UBQLN1: variants seen among roughly 807,000 people sequenced by gnomAD.
UBQLN1 encodes ubiquilin-1.
Under a neutral mutation model 65.4 loss-of-function variants are expected in UBQLN1, and 13 were observed. That is an observed-to-expected ratio of 0.20 (90% CI 0.13 to 0.32). UBQLN1 has a LOEUF of 0.32. UBQLN1 is among the 10% of genes least tolerant of loss of function. The probability of loss-of-function intolerance (pLI) is 1.00; values close to 1 mark genes in which losing one functional copy is unlikely to be tolerated. For synonymous variants in UBQLN1, 267 were observed against 247.8 expected, an observed-to-expected ratio of 1.08 and a Z score of -0.73; for missense variants, 561 against 724.0, an observed-to-expected ratio of 0.77 and a Z score of 2.58.
Position 83,707,526 on chromosome 9 carries a change from C to A in UBQLN1, c.154G>T (p.Val52Leu). The stretch of plus-strand genomic sequence containing the variant: ...TGCTGGACGGAGCTATTCTCGGGCA[C>A]GGCGAATTCCTCCTTTTCCTTCGGG... The part of the protein sequence containing the change: ...KTPKEKEEFA[V>L]PENSSVQQFK... The change falls in exon 1 of 11, where the codon GTG becomes TTG. Residue 52 changes from valine (V) to leucine (L), a missense_variant. By Grantham distance (32) the Val-to-Leu change is conservative (BLOSUM62 1). Around this residue, in one of 8 missense-constraint regions of UBQLN1, gnomAD observed 101 missense variants for 104.9 expected, o/e 0.96. Coordinates refer to ENST00000376395, the MANE Select transcript of UBQLN1 (RefSeq NM_013438.5). 1.9e-6 allele frequency: 3 copies of A among 1,611,046 alleles called. 1 individual carries two copies. In the East Asian group the frequency reaches 6.7e-5, roughly 36 times the overall value.
intron 7 of UBQLN1, chr9:83,668,046 TAC>T: frequency 4.1e-6 from 4 of 985,392 alleles, no homozygotes; most frequent in Non-Finnish European, 3.6e-6. Context: ...ATTAGCCAAA[TAC>T]ACACTTAAAA....
intron 2 of UBQLN1, 133 bp downstream of exon 2, chr9:83,685,871 C>T (rs561025371): frequency 2.4e-5 from 18 of 756,360 alleles, no homozygotes; most frequent in Admixed American, 1.4e-4. Flanking sequence ...AAATTGTTAT[C>T]GACAGCAAGG....
At position 83,707,957 on chromosome 9, in the gene UBQLN1, C is replaced by T; in HGVS notation, c.-278G>A. On this transcript the variant is annotated 5_prime_UTR_variant, in exon 1 of 11. Transcript: ENST00000376395. ...CGCAGCAGCCACCGCTTCCTCCTCC[C>T]TGCCCCTTCCCCCACGTCCCTTCGC... 2.1e-6 allele frequency: 1 copy of T among 480,740 alleles called. No homozygotes were observed. Among genetic ancestry groups the T allele is most frequent in the Non-Finnish European group, 3.6e-6 (1 of 276,508 alleles). 29.8% of individuals were successfully genotyped at this position (480,740 alleles called of 1,614,324 possible).
chr9:83,690,150 A>G (rs1406523420), intron 1 of UBQLN1, among the ~76,000 whole-genome samples: 3 of 152,210 alleles, frequency 2.0e-5, no homozygotes. Context: ...AATACAATCA[A>G]CATTTGAACC....
intron 6 of UBQLN1, among the ~76,000 whole-genome samples, chr9:83,671,427 A>C (rs1587641437): frequency 1.3e-5 from 2 of 152,112 alleles, no homozygotes; most frequent in African/African-American, 4.8e-5. Flanking sequence ...TAAGACTTGT[A>C]AGTTGAAAGT....
intron 1 of UBQLN1, among the ~76,000 whole-genome samples, chr9:83,692,917 G>A (rs1832152073): frequency 6.6e-6 from 1 of 152,050 alleles, no homozygotes; most frequent in African/African-American, 2.4e-5. Context: ...GAACCATAAA[G>A]GAAGAATTTT....
intron 2 of UBQLN1, among the ~76,000 whole-genome samples, chr9:83,683,505 T>C (rs1831985250): frequency 6.6e-6 from 1 of 151,210 alleles, no homozygotes; most frequent in African/African-American, 2.4e-5. Flanking sequence ...TATCATTTAG[T>C]AAAAAGCCTG....
At chr9:83,662,610 G>C (rs375123417) in intron 10 of UBQLN1, among the ~76,000 whole-genome samples, 1 of 151,786 alleles carries the variant, frequency 6.6e-6, no homozygotes, top group Non-Finnish European at 1.5e-5. Context: ...TTGGAGGCTT[G>C]TAAGTTAACT....
intron 7 of UBQLN1, chr9:83,668,943 C>A: frequency 2.4e-6 from 1 of 424,474 alleles, no homozygotes; most frequent in South Asian, 4.4e-5. Flanking sequence ...TATGTAGAAA[C>A]AAACTAAACC....
At chr9:83,696,024 C>T (rs1241563414) in intron 1 of UBQLN1, among the ~76,000 whole-genome samples, 2 of 152,122 alleles carry the variant, frequency 1.3e-5, no homozygotes, top group Non-Finnish European at 2.9e-5. Flanking sequence ...ACTGCAACCT[C>T]CACCTCCCGG....
chr9:83,670,900 T>TC (rs1831718198), intron 6 of UBQLN1, among the ~76,000 whole-genome samples: 1 of 152,206 alleles, frequency 6.6e-6, no homozygotes, highest in Non-Finnish European at 1.5e-5. Flanking sequence ...AAGCAACTCC[T>TC]CATCTGTACA....
At chr9:83,688,538 T>C (rs1832076269) in intron 1 of UBQLN1, among the ~76,000 whole-genome samples, 1 of 152,074 alleles carries the variant, frequency 6.6e-6, no homozygotes, top group Non-Finnish European at 1.5e-5. Flanking sequence ...TTTTATTGTA[T>C]TTTAGGATTT....
At chr9:83,663,396 G>T (rs929715392) in intron 10 of UBQLN1, among the ~76,000 whole-genome samples, 25 of 151,776 alleles carry the variant, frequency 1.6e-4, no homozygotes, top group African/African-American at 6.0e-4. Flanking sequence ...ATATTTACGA[G>T]ATATATATAT....
chr9:83,676,397 GAAAGA>G (rs1831832780), intron 6 of UBQLN1, among the ~76,000 whole-genome samples: 1 of 152,162 alleles, frequency 6.6e-6, no homozygotes, highest in Non-Finnish European at 1.5e-5. Flanking sequence ...ATGGTAAAGG[GAAAGA>G]AAACAACAGC....
At chr9:83,705,246 C>CATTTTTTTTTT in intron 1 of UBQLN1, among the ~76,000 whole-genome samples, 1 of 129,454 alleles carries the variant, frequency 7.7e-6, no homozygotes, top group East Asian at 2.0e-4. Context: ...GCCAGCACTC[C>CATTTTTTTTTT]TTTTTTTTTT....
At chr9:83,703,747 T>C (rs1445129352) in intron 1 of UBQLN1, among the ~76,000 whole-genome samples, 1 of 152,126 alleles carries the variant, frequency 6.6e-6, no homozygotes, top group African/African-American at 2.4e-5. Context: ...TCACTCTAAA[T>C]TGGAAAAAAG....
chr9:83,684,570 G>A (rs1832006233), intron 2 of UBQLN1, among the ~76,000 whole-genome samples: 1 of 152,108 alleles, frequency 6.6e-6, no homozygotes, highest in South Asian at 2.1e-4. Flanking sequence ...CCAGCACTTT[G>A]GGAGGCCAAG....
At chr9:83,663,396 GATAT>G (rs1036399210) in intron 10 of UBQLN1, among the ~76,000 whole-genome samples, 2 of 151,658 alleles carry the variant, frequency 1.3e-5, no homozygotes, top group South Asian at 4.2e-4. Context: ...ATATTTACGA[GATAT>G]ATATATATGT....
intron 6 of UBQLN1, among the ~76,000 whole-genome samples, chr9:83,677,085 G>A (rs1831846152): frequency 6.6e-6 from 1 of 152,158 alleles, no homozygotes; most frequent in African/African-American, 2.4e-5. Flanking sequence ...TAATAAACCT[G>A]GCAGGTGCTC....
Sources: allele counts gnomAD v4.1 joint callset (sites outside exome capture counted in the v4.1 genomes callset), GRCh38; gene constraint gnomAD v4.1.1; regional missense constraint gnomAD v4.1.1; transcripts MANE v1.5; gene names NCBI Gene and HGNC (gene_info 2026-07-23, HGNC 2026-07-21).